SLC12A2: variants seen among roughly 807,000 people sequenced by gnomAD.
SLC12A2 encodes the protein solute carrier family 12 member 2.
A neutral mutation model predicts 136.3 loss-of-function variants in SLC12A2; 67 were observed. That is an observed-to-expected ratio of 0.49 (90% CI 0.40 to 0.60). The LOEUF (loss-of-function observed/expected upper bound fraction) is 0.60. Among genes scored for constraint, SLC12A2 ranks in the 20% least tolerant of loss-of-function variants. SLC12A2 has a pLI of 0.00. For synonymous variants in SLC12A2, 619 were observed against 562.9 expected (o/e 1.10, Z -1.41); for missense variants, 1,322 against 1,534.7 (o/e 0.86, Z 2.32).
At chr5:128,129,476 T>G (rs1449311252) in intron 4 of SLC12A2, among the ~76,000 whole-genome samples, 4 of 137,222 alleles carry the variant, frequency 2.9e-5, no homozygotes, top group Non-Finnish European at 3.1e-5. Context: ...GTTAGGTTGC[T>G]TTTTTTTTTT....
Position 128,084,098 on chromosome 5 carries a change from C to G in SLC12A2, c.144C>G (p.Pro48=). The change falls in exon 1 of 27, where the codon CCC becomes CCG. Residue 48 remains proline (P), a synonymous_variant. Transcript: ENST00000262461. The surrounding 1 kb of genome is among the most constrained non-coding windows in gnomAD (Gnocchi z 5.6). ...CCTCGGTGCCGGAGGATGCTGCGCC[C>G]GCGAGCCGGGACGGCGGCGGGGTCC... The part of the protein sequence containing the change: ...AVPSVPEDAA[P]ASRDGGGVRD... The G allele has an allele frequency of 2.3e-6, 3 of 1,314,386 alleles. No homozygotes were observed. The highest frequency in any genetic ancestry group is 2.9e-6 in the Non-Finnish European group (3 of 1,035,744). The allele number at this position is 1,314,386 out of a possible 1,614,324, so 81.4% of individuals were successfully genotyped here. A position where few individuals can be genotyped will look rare whatever the true frequency, so the allele number is the denominator to read the frequency against.
chr5:128,161,479 C>T (rs1763033940), intron 16 of SLC12A2, among the ~76,000 whole-genome samples, 181 bp from the exon 17 acceptor site: 5 of 152,102 alleles, frequency 3.3e-5, no homozygotes, highest in African/African-American at 9.7e-5. Flanking sequence ...TATTCCATCA[C>T]CTCTACCTTT....
chr5:128,103,761 G>A (rs550089665), intron 1 of SLC12A2, among the ~76,000 whole-genome samples: 7 of 152,284 alleles, frequency 4.6e-5, no homozygotes, highest in African/African-American at 1.7e-4. Flanking sequence ...CAAGCCAAAA[G>A]TCCCTCAGGA....
intron 18 of SLC12A2, chr5:128,170,554 T>C (rs930985990): frequency 6.6e-6 from 1 of 152,328 alleles, no homozygotes; most frequent in East Asian, 1.9e-4. Flanking sequence ...TATATCATTG[T>C]TTTTAATATG....
chr5:128,176,871 G>A (rs1469853104), intron 20 of SLC12A2, among the ~76,000 whole-genome samples: 2 of 151,944 alleles, frequency 1.3e-5, no homozygotes, highest in African/African-American at 2.4e-5. Flanking sequence ...TAATTTTACA[G>A]AAATTAAATT....
intron 16 of SLC12A2, 52 bp from the exon 17 acceptor site, chr5:128,161,608 G>A: frequency 8.8e-7 from 1 of 1,139,240 alleles, no homozygotes; most frequent in Non-Finnish European, 1.1e-6. Flanking sequence ...TTGTATAAAT[G>A]TGAAGTTGCT....
At chr5:128,155,098 G>C (rs1762833577) in intron 15 of SLC12A2, among the ~76,000 whole-genome samples, 2 of 152,100 alleles carry the variant, frequency 1.3e-5, no homozygotes, top group Admixed American at 1.3e-4. Flanking sequence ...TGATAACCAG[G>C]ACAGATGTTG....
intron 5 of SLC12A2, among the ~76,000 whole-genome samples, chr5:128,133,690 T>A (rs560007234): frequency 6.6e-6 from 1 of 152,190 alleles, no homozygotes; most frequent in South Asian, 2.1e-4. Context: ...GCCATTGATA[T>A]TAAACTACAA....
At chr5:128,098,726 GCTGATATCTCTGTT>G (rs908128483) in intron 1 of SLC12A2, among the ~76,000 whole-genome samples, 5 of 151,934 alleles carry the variant, frequency 3.3e-5, no homozygotes, top group African/African-American at 1.2e-4. Context: ...CCATACAATA[GCTGATATCTCTGTT>G]CTGTATTTTA....
chr5:128,105,291 G>T (rs1158482140), intron 1 of SLC12A2, among the ~76,000 whole-genome samples: 1 of 152,158 alleles, frequency 6.6e-6, no homozygotes, highest in Non-Finnish European at 1.5e-5. Flanking sequence ...ACGATGTTTA[G>T]AGCTATGAGT....
chr5:128,132,087 A>G, intron 5 of SLC12A2, among the ~76,000 whole-genome samples: 1 of 152,182 alleles, frequency 6.6e-6, no homozygotes, highest in East Asian at 1.9e-4. Flanking sequence ...TAGAGAGAGA[A>G]AAAATAATCA....
chr5:128,183,982 T>A (rs529962247), intron 24 of SLC12A2, among the ~76,000 whole-genome samples: 28 of 152,196 alleles, frequency 1.8e-4, no homozygotes, highest in Non-Finnish European at 3.2e-4. Context: ...AGATTTTTTT[T>A]TAAATTTTGG....
At chr5:128,137,403 T>G (rs574720813) in intron 7 of SLC12A2, among the ~76,000 whole-genome samples, 2 of 152,318 alleles carry the variant, frequency 1.3e-5, no homozygotes, top group East Asian at 3.9e-4. Context: ...ACTCTTAGCT[T>G]AAGTATTGTC....
chr5:128,135,169 G>A (rs1461856853), intron 6 of SLC12A2, among the ~76,000 whole-genome samples: 1 of 152,026 alleles, frequency 6.6e-6, no homozygotes, highest in African/African-American at 2.4e-5. Context: ...AGTTTTCATA[G>A]ATTGTTCTTT....
intron 26 of SLC12A2, among the ~76,000 whole-genome samples, chr5:128,185,573 A>G (rs1763841844): frequency 6.6e-6 from 1 of 152,208 alleles, no homozygotes; most frequent in Non-Finnish European, 1.5e-5. Flanking sequence ...ATACCTGTAA[A>G]TGGAAAAGAC....
chr5:128,121,139 T>C (rs886571785), intron 4 of SLC12A2, among the ~76,000 whole-genome samples: 1 of 152,252 alleles, frequency 6.6e-6, no homozygotes, highest in East Asian at 1.9e-4. Flanking sequence ...TAAACAGATA[T>C]CAATCTAGAA....
chr5:128,142,748 A>T (rs1762414878), intron 10 of SLC12A2, among the ~76,000 whole-genome samples: 1 of 152,144 alleles, frequency 6.6e-6, no homozygotes. Context: ...AGGTAGATTA[A>T]TTCCTCCCAT....
At chr5:128,152,489 A>G (rs537999028) in intron 14 of SLC12A2, among the ~76,000 whole-genome samples, 32 of 152,296 alleles carry the variant, frequency 2.1e-4, no homozygotes, top group Non-Finnish European at 3.7e-4. Flanking sequence ...TGTCATCTCA[A>G]TCTTTTCTAA....
At chr5:128,131,588 C>T (rs1762025291) in intron 5 of SLC12A2, among the ~76,000 whole-genome samples, 1 of 151,622 alleles carries the variant, frequency 6.6e-6, no homozygotes, top group Non-Finnish European at 1.5e-5. Flanking sequence ...CCTGTAGTCC[C>T]AGCTACTGGG....
Sources: gnomAD v4.1 joint callset for allele counts (sites outside exome capture counted in the v4.1 genomes callset) on GRCh38, gnomAD v4.1.1 for gene constraint, Gnocchi (gnomAD v3.1) non-coding constraint, MANE v1.5 for transcripts, NCBI Gene and HGNC (gene_info 2026-07-23, HGNC 2026-07-21) for gene names.